The following TTC13 variants were observed in gnomAD, a reference collection of about 807,000 sequenced individuals.
The protein encoded by TTC13 is tetratricopeptide repeat protein 13.
TTC13 carries 62 observed loss-of-function variants against 120.0 expected under a neutral mutation model. That is an observed-to-expected ratio of 0.52 (90% CI 0.42 to 0.64). The LOEUF (loss-of-function observed/expected upper bound fraction) is 0.64, where lower values mean the gene tolerates loss of function less well. Among genes scored for constraint, TTC13 ranks in the 30% least tolerant of loss-of-function variants. TTC13 has a pLI of 0.00. For synonymous variants in TTC13, 384 were observed against 393.5 expected (o/e 0.98, Z 0.28); for missense variants, 824 against 1,050.2 (o/e 0.78, Z 2.98).
rs549425298 is a variant in TTC13 at position 230,913,485 on chromosome 1, G to C, written c.2094-727C>G. On this transcript the variant is annotated intron_variant, in intron 18 of 22. Transcript: ENST00000366661. ...AGTGATCTTCCCGCCTCAGCCTCTTGAGTAGCTGGGACTACTGGTATGCAC... is the reference window on the plus strand; with the variant it reads ...AGTGATCTTCCCGCCTCAGCCTCTTCAGTAGCTGGGACTACTGGTATGCAC... Among the ~76,000 whole-genome samples, 20 of 152,268 alleles carry C rather than the reference G, an allele frequency of 1.3e-4. 1 individual carries two copies. The highest frequency in any genetic ancestry group is 2.6e-4 in the Admixed American group (4 of 15,298).
intron 2 of TTC13, among the ~76,000 whole-genome samples, chr1:230,960,577 A>AG (rs200131262): frequency 0.067 from 9,999 of 149,490 alleles, 400 homozygotes; most frequent in Middle Eastern, 0.13. Flanking sequence ...CTTTGTTTGA[A>AG]AAAAAAAAAA....
chr1:230,931,623 T>C (rs1673565242), intron 10 of TTC13, 113 bp downstream of exon 10: 1 of 1,473,402 alleles, frequency 6.8e-7, no homozygotes, highest in Non-Finnish European at 9.2e-7. Flanking sequence ...CTCTTTCTTT[T>C]TGTTGGAGTA....
chr1:230,958,153 T>C, intron 3 of TTC13, 71 bp downstream of exon 3: 1 of 1,512,872 alleles, frequency 6.6e-7, no homozygotes, highest in African/African-American at 1.4e-5. Context: ...TACCATCCTG[T>C]CTTCCTGCTA....
At position 230,978,114 on chromosome 1, in the gene TTC13, A is replaced by G. The variant is rs1678537199; in HGVS notation, c.271+446T>C. ...TCAGGAAGCCTGATTTCCAGGCCTA[A>G]GATGTGCCAGGCGTCTCCCTCCGGG... On this transcript the variant is annotated intron_variant, in intron 1 of 22. Transcript: ENST00000366661. The surrounding 1 kb of genome is among the most constrained non-coding windows in gnomAD (Gnocchi z 5.6). Among the ~76,000 whole-genome samples, 1 of 152,216 alleles carries G rather than the reference A, an allele frequency of 6.6e-6. No individual in the cohort carries two copies. Among genetic ancestry groups the G allele is most frequent in the African/African-American group, 2.4e-5 (1 of 41,448 alleles).
intron 17 of TTC13, 200 bp downstream of exon 17, chr1:230,920,310 T>C (rs1672458067): frequency 5.1e-6 from 2 of 394,320 alleles, no homozygotes; most frequent in Admixed American, 9.2e-5. Flanking sequence ...TTCTTTTTTC[T>C]ATATTAACTG....
chr1:230,964,263 A>G (rs980769669), intron 1 of TTC13, among the ~76,000 whole-genome samples: 23 of 152,214 alleles, frequency 1.5e-4, no homozygotes, highest in African/African-American at 5.5e-4. Flanking sequence ...TATTTTTGAA[A>G]ATGTACCCAC....
chr1:230,971,788 C>T (rs1247009230), intron 1 of TTC13, among the ~76,000 whole-genome samples: 1 of 152,192 alleles, frequency 6.6e-6, no homozygotes, highest in Non-Finnish European at 1.5e-5. Flanking sequence ...TTACATGGAA[C>T]AGAACAGAAG....
At chr1:230,920,344 G>GT (rs1220868586) in intron 17 of TTC13, 166 bp downstream of exon 17, 1 of 464,966 alleles carries the variant, frequency 2.2e-6, no homozygotes, top group Non-Finnish European at 3.8e-6. Flanking sequence ...TGTTTTTTCT[G>GT]TTTGAGTCTG....
At chr1:230,954,189 A>T (rs1675839385) in intron 4 of TTC13, 144 bp downstream of exon 4, 3 of 500,118 alleles carry the variant, frequency 6.0e-6, no homozygotes, top group Non-Finnish European at 1.1e-5. Flanking sequence ...CCTGGCAGCA[A>T]GAAAGTGCTC....
intron 17 of TTC13, chr1:230,920,279 A>C (rs1672455127): frequency 3.2e-6 from 1 of 312,486 alleles, no homozygotes; most frequent in Admixed American, 5.2e-5. Context: ...AGCAGAATTC[A>C]ATTATATGTA....
intron 6 of TTC13, among the ~76,000 whole-genome samples, chr1:230,941,201 ACC>A (rs1674507391): frequency 6.6e-6 from 1 of 152,216 alleles, no homozygotes; most frequent in Admixed American, 6.5e-5. Flanking sequence ...GCAAAAGTAA[ACC>A]AAAAAGACAT....
intron 8 of TTC13, among the ~76,000 whole-genome samples, chr1:230,934,141 A>T (rs916078436): frequency 5.3e-5 from 8 of 152,188 alleles, no homozygotes; most frequent in African/African-American, 1.9e-4. Context: ...TAGCTACTTC[A>T]TTAAAACTTT....
chr1:230,963,104 T>C (rs144475724), intron 1 of TTC13, among the ~76,000 whole-genome samples: 9 of 152,334 alleles, frequency 5.9e-5, no homozygotes, highest in Admixed American at 5.9e-4. Context: ...AAAGATATGT[T>C]CTAATTCAGC....
In TTC13 at chr1:230,920,563, G is replaced by T; in HGVS notation, c.1930C>A (p.Arg644=). The T allele has an allele frequency of 1.3e-6, 2 of 1,597,492 alleles. No homozygotes were observed. Among genetic ancestry groups the T allele is most frequent in the South Asian group, 2.3e-5 (2 of 87,398 alleles). ...TTGTGTACCTTTTCCAGGGCTTCCCGAACTTCCAGCAATCCTTTAGGATTA... is the reference window on the plus strand; with the variant it reads ...TTGTGTACCTTTTCCAGGGCTTCCCTAACTTCCAGCAATCCTTTAGGATTA... The part of the protein sequence containing the change: ...ANNPKGLLEV[R]EALEKVHKVE... Residue 644 remains arginine (R), a synonymous_variant, in exon 17 of 23, where the codon CGG becomes AGG. Transcript: ENST00000366661.
At chr1:230,915,500 A>T (rs144022275) in intron 18 of TTC13, among the ~76,000 whole-genome samples, 146 of 152,344 alleles carry the variant, frequency 9.6e-4, no homozygotes, top group African/African-American at 3.4e-3. Context: ...TTATAAAGCA[A>T]AACAATGAGA....
chr1:230,962,070 C>A (rs9970079), intron 1 of TTC13, among the ~76,000 whole-genome samples: 1 of 151,998 alleles, frequency 6.6e-6, no homozygotes. Flanking sequence ...ATTAGCCAGG[C>A]GTGGTGGCAG....
chr1:230,916,381 C>G (rs767766501), intron 17 of TTC13, 79 bp from the exon 18 acceptor site: 20 of 1,060,836 alleles, frequency 1.9e-5, no homozygotes, highest in Non-Finnish European at 2.8e-5. Flanking sequence ...AGTGCTGGCT[C>G]TACCTTACAT....
At chr1:230,973,535 A>G (rs1677969257) in intron 1 of TTC13, among the ~76,000 whole-genome samples, 1 of 152,236 alleles carries the variant, frequency 6.6e-6, no homozygotes, top group African/African-American at 2.4e-5. Flanking sequence ...TTAAGACATC[A>G]AGTACAGGGC....
intron 6 of TTC13, among the ~76,000 whole-genome samples, chr1:230,943,251 A>T (rs1418302445): frequency 6.6e-6 from 1 of 151,546 alleles, no homozygotes; most frequent in African/African-American, 2.4e-5. Flanking sequence ...TTTTTTTTAA[A>T]TTTTATTATT....
Sources: gnomAD v4.1 joint callset for allele counts (sites outside exome capture counted in the v4.1 genomes callset) on GRCh38, gnomAD v4.1.1 for gene constraint, Gnocchi (gnomAD v3.1) non-coding constraint, MANE v1.5 for transcripts, NCBI Gene and HGNC (gene_info 2026-07-23, HGNC 2026-07-21) for gene names.